The following ERC1 variants were observed in gnomAD, a reference collection of about 807,000 sequenced individuals.
The protein encoded by ERC1 is ELKS/RAB6-interacting/CAST family member 1, also known as RAB6 interacting protein 2.
ERC1 carries 56 observed loss-of-function variants against 132.0 expected under a neutral mutation model. The observed-to-expected ratio is 0.42, with a 90% CI of 0.34 to 0.53. The LOEUF is 0.53. Ranked by LOEUF, ERC1 falls within the 20% of genes least tolerant of loss-of-function variation. ERC1 has a pLI of 0.03. For synonymous variants in ERC1, 478 were observed against 476.1 expected (o/e 1.00, Z -0.05); for missense variants, 1,202 against 1,349.9 (o/e 0.89, Z 1.72).
rs189218617 is a variant in ERC1 at position 1,442,513 on chromosome 12, A to G, written c.3025-2049A>G. Among the ~76,000 whole-genome samples, 58 of 152,330 alleles carry G rather than the reference A, an allele frequency of 3.8e-4. 1 individual carries two copies. Among genetic ancestry groups the G allele is most frequent in the Admixed American group, 3.3e-3 (50 of 15,298 alleles). ...CTTAGAGAGAGAGAGAGAATTTTAA[A>G]AACAAAAGTAATGCTAAATTGATTA... On this transcript the variant is annotated intron_variant, in intron 17 of 18. Transcript: ENST00000360905.
chr12:1,339,375 A>G (rs1414135358), intron 15 of ERC1, among the ~76,000 whole-genome samples: 1 of 141,722 alleles, frequency 7.1e-6, no homozygotes, highest in Non-Finnish European at 1.5e-5. Context: ...GTAGGCATTC[A>G]CTGCAGTGGC....
intron 10 of ERC1, among the ~76,000 whole-genome samples, chr12:1,182,968 T>A (rs996669409): frequency 3.7e-4 from 57 of 152,348 alleles, no homozygotes; most frequent in African/African-American, 1.3e-3. Context: ...AAATGTTTTC[T>A]GTTTAAGTTA....
chr12:1,049,839 A>G (rs551563171), intron 2 of ERC1, among the ~76,000 whole-genome samples: 1 of 135,624 alleles, frequency 7.4e-6, no homozygotes, highest in East Asian at 2.1e-4. Flanking sequence ...TGCAACCTCC[A>G]CCTCCCGGGT....
intron 15 of ERC1, among the ~76,000 whole-genome samples, chr12:1,321,262 A>G (rs2082098060): frequency 6.6e-6 from 1 of 152,158 alleles, no homozygotes; most frequent in Non-Finnish European, 1.5e-5. Flanking sequence ...GTTTGATAGT[A>G]TTATGAGAAT....
chr12:1,196,806 T>TTCTCTCTCTCTCTCTCTCTC (rs755412381), intron 12 of ERC1, among the ~76,000 whole-genome samples: 952 of 90,304 alleles, frequency 0.011, 83 homozygotes, highest in Middle Eastern at 0.026. Context: ...CGCACGCTAT[T>TTCTCTCTCTCTCTCTCTCTC]TCTCTCTCTC....
chr12:1,365,352 C>A lies in ERC1; in HGVS notation c.2781-6481C>A, dbSNP rs181856132. Among the ~76,000 whole-genome samples the A allele has an allele frequency of 3.9e-5, 6 of 151,986 alleles. No homozygotes were observed. In the East Asian group the frequency reaches 1.2e-3, roughly 29 times the overall value. Reference sequence around the variant, plus strand: ...GAAAAAAAAAAATGCCTTAAAAGTGCAGTGAAATACAGCTTCAGGATAGGT... The same window carrying A: ...GAAAAAAAAAAATGCCTTAAAAGTGAAGTGAAATACAGCTTCAGGATAGGT... On this transcript the variant is annotated intron_variant, in intron 15 of 18. Transcript: ENST00000360905.
At chr12:1,459,490 G>GAACA (rs995754748) in intron 18 of ERC1, among the ~76,000 whole-genome samples, 2 of 151,774 alleles carry the variant, frequency 1.3e-5, no homozygotes, top group Non-Finnish European at 2.9e-5. Context: ...ATGAATGAAT[G>GAACA]AACAAGTAAA....
intron 1 of ERC1, among the ~76,000 whole-genome samples, chr12:997,656 A>C (rs1403597113): frequency 1.3e-5 from 2 of 152,142 alleles, no homozygotes; most frequent in Non-Finnish European, 2.9e-5. Context: ...GATAGTGAAG[A>C]GGTAGAGGTT....
chr12:1,217,878 A>G (rs7959138), intron 12 of ERC1, among the ~76,000 whole-genome samples: 5,859 of 152,230 alleles, frequency 0.038, 364 homozygotes, highest in African/African-American at 0.13. Context: ...ATTTAAAGCA[A>G]GTGTCTTCCT....
chr12:1,099,835 ATTTTTTTTTTTTTTT>A (rs779732035), intron 3 of ERC1, among the ~76,000 whole-genome samples: 24 of 54,396 alleles, frequency 4.4e-4, no homozygotes, highest in African/African-American at 1.4e-3. Flanking sequence ...TGAGACTTTG[ATTTTTTTTTTTTTTT>A]TTTTTTTTTT....
chr12:1,076,374 G>T (rs1015712350), intron 2 of ERC1, among the ~76,000 whole-genome samples: 12 of 149,734 alleles, frequency 8.0e-5, no homozygotes, highest in African/African-American at 2.9e-4. Context: ...GGTTGGTGTA[G>T]AACTGATTTT....
chr12:1,055,012 G>T (rs1205906423), intron 2 of ERC1, among the ~76,000 whole-genome samples: 4 of 152,018 alleles, frequency 2.6e-5, no homozygotes, highest in Non-Finnish European at 5.9e-5. Context: ...TGTGAGCAGT[G>T]CCTCTACACT....
At chr12:1,039,357 AAT>A (rs1477307581) in intron 2 of ERC1, among the ~76,000 whole-genome samples, 4 of 149,218 alleles carry the variant, frequency 2.7e-5, no homozygotes, top group African/African-American at 7.3e-5. Context: ...AAAAAATAAA[AAT>A]AAATAAATAA....
At chr12:1,391,093 T>A (rs2089921564) in intron 16 of ERC1, 1 of 152,288 alleles carries the variant, frequency 6.6e-6, no homozygotes, top group Non-Finnish European at 1.5e-5. Flanking sequence ...ATTCATTCAG[T>A]TTGAGGTCTT....
At chr12:1,401,362 A>G (rs926054899) in intron 16 of ERC1, among the ~76,000 whole-genome samples, 1 of 152,218 alleles carries the variant, frequency 6.6e-6, no homozygotes, top group Non-Finnish European at 1.5e-5. Context: ...GTAGCAAATA[A>G]AGGGGAGGGA....
intron 17 of ERC1, among the ~76,000 whole-genome samples, chr12:1,432,692 A>G (rs1035677114): frequency 6.6e-6 from 1 of 152,238 alleles, no homozygotes; most frequent in African/African-American, 2.4e-5. Context: ...AACTTGTTCC[A>G]GGTCTCCTAC....
chr12:1,206,153 C>G (rs1056264796), intron 12 of ERC1, among the ~76,000 whole-genome samples: 2 of 152,014 alleles, frequency 1.3e-5, no homozygotes. Context: ...CTGTAGTATG[C>G]AAAAGTTTAA....
intron 15 of ERC1, among the ~76,000 whole-genome samples, chr12:1,365,262 C>T (rs576137715): frequency 1.1e-3 from 171 of 152,090 alleles, no homozygotes; most frequent in Middle Eastern, 3.4e-3. Flanking sequence ...TGGTTTCTTT[C>T]TAGTTGTGGT....
At chr12:1,071,458 A>G (rs34860455) in intron 2 of ERC1, among the ~76,000 whole-genome samples, 34,537 of 151,970 alleles carry the variant, frequency 0.23, 4,341 homozygotes, top group Middle Eastern at 0.28. Context: ...AGTTAGTTCA[A>G]TTGCTTATTG....
Sources: gnomAD v4.1 joint callset for allele counts (sites outside exome capture counted in the v4.1 genomes callset) on GRCh38, gnomAD v4.1.1 for gene constraint, MANE v1.5 for transcripts, NCBI Gene and HGNC (gene_info 2026-07-23, HGNC 2026-07-21) for gene names.